Variants in VGLL4 observed in about 807,000 individuals in gnomAD.
The protein encoded by VGLL4 is vestigial like family member 4.
In VGLL4, 7 loss-of-function variants were observed where a neutral mutation model predicts 21.0. The ratio of observed to expected loss-of-function variants is 0.33; its 90% CI spans 0.19 to 0.63. VGLL4 has a LOEUF of 0.63. Among genes scored for constraint, VGLL4 ranks in the 20% least tolerant of loss-of-function variants. The pLI, the probability that VGLL4 is intolerant of heterozygous loss-of-function variation, is 0.78. For synonymous variants in VGLL4, 222 were observed against 173.2 expected, an observed-to-expected ratio of 1.28 and a Z score of -2.21; for missense variants, 394 against 425.7, an observed-to-expected ratio of 0.93 and a Z score of 0.66.
At chr3:11,652,278 T>C (rs1406527319) in intron 2 of VGLL4, among the ~76,000 whole-genome samples, 1 of 152,188 alleles carries the variant, frequency 6.6e-6, no homozygotes, top group Non-Finnish European at 1.5e-5. Context: ...TAACAAATAG[T>C]TTAATTCTTA....
chr3:11,602,962 T>G (rs2074844201), intron 1 of VGLL4, among the ~76,000 whole-genome samples: 1 of 152,242 alleles, frequency 6.6e-6, no homozygotes. Flanking sequence ...CCTTTTGTTG[T>G]GCTGTACATT....
chr3:11,581,396 G>C (rs2074220485), intron 2 of VGLL4, among the ~76,000 whole-genome samples: 1 of 152,082 alleles, frequency 6.6e-6, no homozygotes, highest in South Asian at 2.1e-4. Flanking sequence ...GCCAGAAAGT[G>C]CATTTCTCGA....
Position 11,653,219 on chromosome 3 carries a change from G to A in VGLL4, c.64+49752C>T, listed in dbSNP as rs924178894. Among the ~76,000 whole-genome samples, 3 of 152,138 alleles carry A rather than the reference G, an allele frequency of 2.0e-5. No homozygotes were observed. Among genetic ancestry groups the A allele is most frequent in the Non-Finnish European group, 1.5e-5 (1 of 68,022 alleles). Reference sequence around the variant, plus strand: ...CATCCTTCCAACCAGTTAGGGTGCCGTCCAGGAAAGAGAAATCATGGCTGT... The same window carrying A: ...CATCCTTCCAACCAGTTAGGGTGCCATCCAGGAAAGAGAAATCATGGCTGT... On this transcript the variant is annotated intron_variant, in intron 2 of 5. Transcript: ENST00000273038. This position sits in a 1 kb window ranked among gnomAD's most constrained non-coding sequence, Gnocchi z 4.2.
intron 2 of VGLL4, among the ~76,000 whole-genome samples, chr3:11,649,993 G>T (rs2075846406): frequency 6.6e-6 from 1 of 152,006 alleles, no homozygotes; most frequent in Admixed American, 6.6e-5. Flanking sequence ...AGGCTAGAGT[G>T]CAGTGGCTCA....
chr3:11,673,704 C>T (rs546215906), intron 2 of VGLL4, among the ~76,000 whole-genome samples: 27 of 152,156 alleles, frequency 1.8e-4, no homozygotes, highest in Middle Eastern at 3.4e-3. Context: ...AAAAACTGGT[C>T]ACACACCAGC....
chr3:11,559,848 G>A (rs552216040), intron 3 of VGLL4, among the ~76,000 whole-genome samples: 7 of 152,268 alleles, frequency 4.6e-5, no homozygotes, highest in African/African-American at 7.2e-5. Flanking sequence ...CCACTGAGCC[G>A]CGGGTGTGCC....
chr3:11,618,064 A>G (rs573788275), intron 1 of VGLL4, among the ~76,000 whole-genome samples: 1 of 152,350 alleles, frequency 6.6e-6, no homozygotes, highest in South Asian at 2.1e-4. Context: ...GTTGTGAAGA[A>G]CATCAAACAA....
chr3:11,586,831 G>A (rs1340923984), intron 2 of VGLL4, among the ~76,000 whole-genome samples: 2 of 152,298 alleles, frequency 1.3e-5, no homozygotes, highest in African/African-American at 2.4e-5. Flanking sequence ...AGGGATACCA[G>A]GAGGAGCCTG....
At chr3:11,697,564 T>C (rs548456471) in intron 2 of VGLL4, among the ~76,000 whole-genome samples, 4 of 151,978 alleles carry the variant, frequency 2.6e-5, no homozygotes, top group African/African-American at 9.7e-5. Context: ...ACTTGGCTGA[T>C]GCAGAAGCCG....
chr3:11,646,547 T>C (rs573125224), upstream of VGLL4, among the ~76,000 whole-genome samples: 104 of 150,990 alleles, frequency 6.9e-4, no homozygotes, highest in Non-Finnish European at 1.3e-3. Context: ...ATTGCTTTCA[T>C]CTAGGGAGGA....
At chr3:11,567,172 C>T (rs1009268994) in intron 2 of VGLL4, among the ~76,000 whole-genome samples, 13 of 152,150 alleles carry the variant, frequency 8.5e-5, no homozygotes, top group Admixed American at 7.2e-4. Flanking sequence ...CCGAGGCGTT[C>T]CGAGCCTCGG....
At chr3:11,615,377 C>T (rs1007268870) in intron 1 of VGLL4, among the ~76,000 whole-genome samples, 13 of 152,182 alleles carry the variant, frequency 8.5e-5, no homozygotes, top group African/African-American at 3.1e-4. Context: ...GCTGTCCCTA[C>T]AAATTTTGGT....
upstream of VGLL4, among the ~76,000 whole-genome samples, chr3:11,647,839 A>C (rs1269196958): frequency 6.6e-6 from 1 of 152,106 alleles, no homozygotes; most frequent in Non-Finnish European, 1.5e-5. Flanking sequence ...CAGATTCTTC[A>C]TTTCCCCATC....
At chr3:11,615,072 T>C (rs2075136710) in intron 1 of VGLL4, among the ~76,000 whole-genome samples, 1 of 152,174 alleles carries the variant, frequency 6.6e-6, no homozygotes, top group South Asian at 2.1e-4. Context: ...AGACATCTTA[T>C]TTCACCCATA....
intron 2 of VGLL4, among the ~76,000 whole-genome samples, chr3:11,651,596 T>C (rs1011422044): frequency 2.6e-5 from 4 of 151,954 alleles, no homozygotes; most frequent in African/African-American, 4.8e-5. Context: ...GACTATAAGA[T>C]AGTTTCTGTG....
intron 1 of VGLL4, among the ~76,000 whole-genome samples, chr3:11,625,505 T>G (rs1444579694): frequency 6.6e-6 from 1 of 152,224 alleles, no homozygotes; most frequent in Non-Finnish European, 1.5e-5. Context: ...TCACTCAGAT[T>G]CTAAAAATAA....
intron 2 of VGLL4, among the ~76,000 whole-genome samples, chr3:11,680,994 C>A (rs1204715110): frequency 2.0e-5 from 3 of 152,144 alleles, no homozygotes; most frequent in African/African-American, 7.2e-5. Flanking sequence ...CCCTTCCCTT[C>A]TCTTTCTATG....
intron 2 of VGLL4, among the ~76,000 whole-genome samples, chr3:11,690,890 C>T (rs1171480550): frequency 6.6e-6 from 1 of 152,010 alleles, no homozygotes; most frequent in Non-Finnish European, 1.5e-5. Flanking sequence ...ATTATATGCA[C>T]ATCAGATGCC....
At chr3:11,659,573 T>TC (rs36096983) in intron 2 of VGLL4, among the ~76,000 whole-genome samples, 5 of 151,188 alleles carry the variant, frequency 3.3e-5, no homozygotes, top group African/African-American at 1.2e-4. Context: ...CCTTGGGTGA[T>TC]CCCCCCCGGC....
Sources: allele counts gnomAD v4.1 joint callset (sites outside exome capture counted in the v4.1 genomes callset), GRCh38; gene constraint gnomAD v4.1.1; non-coding constraint Gnocchi (gnomAD v3.1); transcripts MANE v1.5; gene names NCBI Gene and HGNC (gene_info 2026-07-23, HGNC 2026-07-21).